The following RARB variants were observed in gnomAD, a reference collection of about 807,000 sequenced individuals.
RARB encodes the protein HBV-activated protein.
In RARB, 17 loss-of-function variants were observed where a neutral mutation model predicts 51.9. The ratio of observed to expected loss-of-function variants is 0.33; its 90% CI spans 0.22 to 0.49. RARB has a LOEUF of 0.49. Among genes scored for constraint, RARB ranks in the 20% least tolerant of loss-of-function variants. The pLI is 0.99. For missense variants in RARB, 369 were observed against 550.8 expected (o/e 0.67, Z 3.30); for synonymous variants, 215 against 195.4 (o/e 1.10, Z -0.84).
At chr3:25,133,690 A>T (rs9877845) in intron 4 of RARB, among the ~76,000 whole-genome samples, 87,187 of 151,668 alleles carry the variant, frequency 0.57, 25,343 homozygotes, top group East Asian at 0.7. Flanking sequence ...TCAATACAGC[A>T]GGCTTGTAAA....
intron 2 of RARB, among the ~76,000 whole-genome samples, chr3:24,949,966 A>T (rs9874164): frequency 0.31 from 47,812 of 151,838 alleles, 8,403 homozygotes; most frequent in African/African-American, 0.48. Flanking sequence ...ACACCCAATA[A>T]CAGAGGGAAG....
chr3:24,984,439 G>A (rs967774090), intron 2 of RARB, among the ~76,000 whole-genome samples: 4 of 152,172 alleles, frequency 2.6e-5, no homozygotes, highest in African/African-American at 9.7e-5. Flanking sequence ...GTGTGGGTGG[G>A]TGAGGTTTCT....
intron 3 of RARB, among the ~76,000 whole-genome samples, chr3:25,503,462 A>G (rs1304199648): frequency 6.6e-6 from 1 of 152,168 alleles, no homozygotes; most frequent in Non-Finnish European, 1.5e-5. Context: ...TCCTGCTTAC[A>G]TTACTTAAAA....
intron 5 of RARB, among the ~76,000 whole-genome samples, chr3:25,412,246 C>G (rs1467645974): frequency 1.3e-5 from 2 of 152,120 alleles, no homozygotes; most frequent in Non-Finnish European, 2.9e-5. Flanking sequence ...TTATCCTGCA[C>G]TTAATCACTC....
At chr3:25,077,351 T>A (rs554722228) in intron 3 of RARB, among the ~76,000 whole-genome samples, 12 of 152,288 alleles carry the variant, frequency 7.9e-5, no homozygotes, top group African/African-American at 2.9e-4. Flanking sequence ...TTCTCTCATG[T>A]TCTTCCTCCG....
At chr3:25,459,284 C>A (rs1250901099) in intron 1 of RARB, among the ~76,000 whole-genome samples, 2 of 152,132 alleles carry the variant, frequency 1.3e-5, no homozygotes, top group Non-Finnish European at 2.9e-5. Flanking sequence ...CTAGAAAGGA[C>A]AAATAGTTAT....
At chr3:25,502,397 C>T (rs1697365130) in intron 3 of RARB, among the ~76,000 whole-genome samples, 1 of 152,196 alleles carries the variant, frequency 6.6e-6, no homozygotes, top group South Asian at 2.1e-4. Flanking sequence ...AGAGGCATTA[C>T]TCTGAGGGTG....
At chr3:24,839,953 G>A (rs1702398635) in intron 1 of RARB, among the ~76,000 whole-genome samples, 1 of 152,178 alleles carries the variant, frequency 6.6e-6, no homozygotes, top group African/African-American at 2.4e-5. Flanking sequence ...CTGAGTGGGA[G>A]CAGGGGATTG....
chr3:24,908,211 T>C (rs1446930197), intron 2 of RARB, among the ~76,000 whole-genome samples: 1 of 152,224 alleles, frequency 6.6e-6, no homozygotes, highest in Admixed American at 6.5e-5. Flanking sequence ...GAGGTATACT[T>C]GGATTTTTAT....
intron 4 of RARB, among the ~76,000 whole-genome samples, chr3:25,165,187 C>A (rs59296535): frequency 6.6e-6 from 1 of 152,000 alleles, no homozygotes; most frequent in African/African-American, 2.4e-5. Context: ...GACACTAAAG[C>A]CAAACTCAGA....
At chr3:25,347,017 A>T (rs1575330192) in intron 5 of RARB, among the ~76,000 whole-genome samples, 1 of 152,228 alleles carries the variant, frequency 6.6e-6, no homozygotes, top group African/African-American at 2.4e-5. Flanking sequence ...TTGGGAATAT[A>T]GGTTTCAGAA....
intron 2 of RARB, among the ~76,000 whole-genome samples, chr3:25,485,335 G>T (rs1696411434): frequency 6.6e-6 from 1 of 152,186 alleles, no homozygotes; most frequent in South Asian, 2.1e-4. Flanking sequence ...TAAATCCTCA[G>T]ACCCCAGAGG....
intron 2 of RARB, among the ~76,000 whole-genome samples, chr3:25,052,039 G>T (rs12639346): frequency 0.7 from 106,523 of 151,972 alleles, 37,704 homozygotes; most frequent in Non-Finnish European, 0.73. Flanking sequence ...CAGGCTAATG[G>T]AGGCTCCATC....
intron 3 of RARB, among the ~76,000 whole-genome samples, chr3:25,524,631 TC>T (rs1376188311): frequency 2.6e-5 from 3 of 114,970 alleles, no homozygotes. Context: ...CCTCCCTGCC[TC>T]CCTCCTTCCT....
chr3:25,169,754 G>A lies in RARB; in HGVS notation c.-279-4365G>A, dbSNP rs557543275. 1.5e-4 allele frequency among the ~76,000 whole-genome samples: 23 copies of A among 152,128 alleles called. No individual in the cohort carries two copies. The East Asian group carries it at 2.1e-3, about 14-fold the overall frequency. ...TGTAATCCCAGCACTTTGGGATGCCGAGGCAGAAGGATCACTTGAGTCCAG... is the reference window on the plus strand; with the variant it reads ...TGTAATCCCAGCACTTTGGGATGCCAAGGCAGAAGGATCACTTGAGTCCAG... On this transcript the variant is annotated intron_variant, in intron 4 of 11. Transcript: ENST00000383772.
chr3:25,257,692 A>G (rs966189426), intron 5 of RARB, among the ~76,000 whole-genome samples: 5 of 152,024 alleles, frequency 3.3e-5, no homozygotes, highest in African/African-American at 1.2e-4. Context: ...CCTAGGCTCT[A>G]TCTGCTCTCT....
rs117006971 is a variant in RARB at position 25,187,726 on chromosome 3, A to G, written c.178+13151A>G. Among the ~76,000 whole-genome samples, 8 of 152,212 alleles carry G rather than the reference A, an allele frequency of 5.3e-5. No homozygotes were observed. The East Asian group carries it at 1.6e-3, about 30-fold the overall frequency. ...GTGTTCAGGCTACAGAGAAATGAACACTCAGATACAGCCTTGTTGTGGAGA... is the reference window on the plus strand; with the variant it reads ...GTGTTCAGGCTACAGAGAAATGAACGCTCAGATACAGCCTTGTTGTGGAGA... On this transcript the variant is annotated intron_variant, in intron 5 of 11. Coordinates refer to the RARB transcript ENST00000383772.
At chr3:25,342,300 A>C (rs912983307) in intron 5 of RARB, among the ~76,000 whole-genome samples, 1 of 152,230 alleles carries the variant, frequency 6.6e-6, no homozygotes, top group African/African-American at 2.4e-5. Flanking sequence ...TTATAGACTT[A>C]TTGCAGTATT....
At chr3:24,986,413 T>G (rs1199505229) in intron 2 of RARB, among the ~76,000 whole-genome samples, 1 of 152,246 alleles carries the variant, frequency 6.6e-6, no homozygotes, top group Admixed American at 6.5e-5. Context: ...AAAATTATTT[T>G]AGAAAACTAA....
Sources: gnomAD v4.1 joint callset for allele counts (sites outside exome capture counted in the v4.1 genomes callset) on GRCh38, gnomAD v4.1.1 for gene constraint, MANE v1.5 for transcripts, NCBI Gene and HGNC (gene_info 2026-07-23, HGNC 2026-07-21) for gene names.